Variants in CLN3 observed in about 807,000 individuals in gnomAD.
The protein encoded by CLN3 is CLN3 lysosomal/endosomal transmembrane protein, battenin.
In CLN3, 49 loss-of-function variants were observed where a neutral mutation model predicts 60.7. The observed-to-expected ratio is 0.81, with a 90% CI of 0.64 to 1.02. The LOEUF is 1.02. Among genes scored for constraint, CLN3 ranks in the 50% least tolerant of loss-of-function variants. CLN3 has a pLI of 0.00. For missense variants in CLN3, 516 were observed against 557.4 expected, an observed-to-expected ratio of 0.93 and a Z score of 0.75; for synonymous variants, 256 against 245.8, an observed-to-expected ratio of 1.04 and a Z score of -0.39.
In CLN3 at chr16:28,488,643, G is replaced by A. The variant is rs137906617; in HGVS notation, c.242C>T (p.Pro81Leu). Residue 81 changes from proline to leucine, a missense_variant, in exon 5 of 16, where the codon CCG becomes CTG. Transcript: ENST00000636147. Reference protein sequence around the residue: ...NQSHVDPGPTPIPHNSSSRFD... With the variant: ...NQSHVDPGPTLIPHNSSSRFD... Reference sequence around the variant, plus strand: ...TCGTGATGAGCTGTTGTGGGGGATCGGCGTTGGGCCTGGGTCCACCTAATG... The same window carrying A: ...TCGTGATGAGCTGTTGTGGGGGATCAGCGTTGGGCCTGGGTCCACCTAATG... The A allele has an allele frequency of 3.5e-4, 567 of 1,614,136 alleles. 2 individuals are homozygous for A. Among genetic ancestry groups the A allele is most frequent in the Middle Eastern group, 2.5e-3 (15 of 6,062 alleles).
chr16:28,471,929 C>T (rs1359045643), downstream of CLN3, among the ~76,000 whole-genome samples: 2 of 152,122 alleles, frequency 1.3e-5, no homozygotes, highest in Non-Finnish European at 2.9e-5. Flanking sequence ...ACTTGGTAGG[C>T]TGAGGCAGGA....
Position 28,477,533 on chromosome 16 carries a change from G to A in CLN3, c.1300C>T (p.Leu434Phe). 1.9e-6 allele frequency: 3 copies of A among 1,613,724 alleles called. No individual in the cohort carries two copies. The highest frequency in any genetic ancestry group is 2.5e-6 in the Non-Finnish European group (3 of 1,180,038). Residue 434 changes from leucine to phenylalanine, a missense_variant, in exon 16 of 16, where the codon CTC becomes TTC. Coordinates refer to ENST00000636147, the MANE Select transcript of CLN3 (RefSeq NM_001042432.2). The stretch of plus-strand genomic sequence containing the variant: ...CCCGAGTATCAGGAGAGCTGGCAGA[G>A]GAAGTCATGCAGAGGCAAAGCCAGG... The part of the protein sequence containing the change: ...GLLALPLHDF[L>F]CQLS
At chr16:28,473,728 C>G (rs1395474430), downstream of CLN3, among the ~76,000 whole-genome samples, 2 of 152,106 alleles carry the variant, frequency 1.3e-5, no homozygotes, top group Non-Finnish European at 2.9e-5. Flanking sequence ...TCTTACAACT[C>G]AAAAAGACTT....
intron 3 of CLN3, 78 bp from the exon 4 acceptor site, chr16:28,489,464 C>T (rs1169377687): frequency 3.0e-6 from 3 of 996,472 alleles, no homozygotes; most frequent in East Asian, 5.2e-5. Context: ...CCTTCCCTTA[C>T]CTGTGCCCTT....
intron 5 of CLN3, 168 bp downstream of exon 5, chr16:28,488,423 C>T: frequency 1.7e-6 from 1 of 595,298 alleles, no homozygotes; most frequent in Non-Finnish European, 3.0e-6. Flanking sequence ...GATCCTCCCA[C>T]CTTGGTCTCC....
chr16:28,482,206 T>G lies in CLN3; in HGVS notation c.963-8A>C. The G allele has an allele frequency of 1.2e-6, 2 of 1,611,498 alleles. No individual in the cohort carries two copies. The highest frequency in any genetic ancestry group is 1.7e-6 in the Non-Finnish European group (2 of 1,178,936). On this transcript the variant is annotated splice_polypyrimidine_tract_variant and splice_region_variant and intron_variant, in intron 13 of 15. Transcript: ENST00000636147. ...TGGTACAGCATCTGGTACCTGAGGT[T>G]AGGGTTGGGGGGAGGAGAGGAGGCT... is the stretch of plus-strand genomic sequence containing the variant.
At chr16:28,480,403 TAA>T (rs1187270408) in intron 14 of CLN3, among the ~76,000 whole-genome samples, 3 of 151,728 alleles carry the variant, frequency 2.0e-5, no homozygotes, top group African/African-American at 7.3e-5. Flanking sequence ...ATTGAGTTCC[TAA>T]GTCTTTTTTT....
intron 1 of CLN3, 25 bp downstream of exon 1, chr16:28,491,995 A>G (rs1236092326): frequency 1.6e-6 from 1 of 617,376 alleles, no homozygotes; most frequent in Non-Finnish European, 2.9e-6. Flanking sequence ...CGCCCCGTCT[A>G]CAGCAGGGAC....
In CLN3 at chr16:28,488,583, G is replaced by A; in HGVS notation, c.294+8C>T. 1.9e-6 allele frequency: 3 copies of A among 1,613,872 alleles called. No homozygotes were observed. The highest frequency in any genetic ancestry group is 2.2e-5 in the East Asian group (1 of 44,866). ...GTCAGGCAAGGACCAGGTGAGATGAGTACGCACAGCCGTAGAGACAGAGTT... is the reference window on the plus strand; with the variant it reads ...GTCAGGCAAGGACCAGGTGAGATGAATACGCACAGCCGTAGAGACAGAGTT... On this transcript the variant is annotated splice_region_variant and intron_variant, in intron 5 of 15. Transcript: ENST00000636147.
chr16:28,477,120 A>C (rs1259770287), downstream of CLN3: 3 of 318,820 alleles, frequency 9.4e-6, no homozygotes, highest in Non-Finnish European at 1.2e-5. Flanking sequence ...TAGGTGACAG[A>C]GTGAGACTCT....
At chr16:28,470,843 C>T (rs1402540314), downstream of CLN3, among the ~76,000 whole-genome samples, 16 of 129,220 alleles carry the variant, frequency 1.2e-4, no homozygotes, top group African/African-American at 2.6e-4. Context: ...GGCAAGGGAG[C>T]GTGAGGCTTA....
intron 3 of CLN3, among the ~76,000 whole-genome samples, chr16:28,490,718 C>T (rs1229333019): frequency 1.3e-5 from 2 of 148,926 alleles, no homozygotes; most frequent in Non-Finnish European, 3.0e-5. Context: ...CGAGATTGCG[C>T]CACTGCACTC....
intron 14 of CLN3, among the ~76,000 whole-genome samples, chr16:28,480,288 G>A (rs2857405): frequency 2.0e-5 from 3 of 151,660 alleles, no homozygotes; most frequent in African/African-American, 4.8e-5. Context: ...TCCTGGCTTC[G>A]AGTGATCCTC....
chr16:28,489,298 G>GT lies in CLN3; in HGVS notation c.213_214insA (p.Gln72ThrfsTer20). The GT allele has an allele frequency of 6.2e-7, 1 of 1,612,114 alleles. No homozygotes were observed. The highest frequency in any genetic ancestry group is 8.5e-7 in the Non-Finnish European group (1 of 1,178,898). On this transcript the variant is annotated frameshift_variant, in exon 4 of 16. Coordinates refer to ENST00000636147, the MANE Select transcript of CLN3 (RefSeq NM_001042432.2). LOFTEE classifies it high-confidence loss of function. ...GGTAGAGAGTCACTTACATGGCTCT[G>GT]GTTTCCCGATGTCCTCTTGTGGCTA...
chr16:28,478,196 T>A (rs2046028556), intron 14 of CLN3, among the ~76,000 whole-genome samples: 1 of 151,596 alleles, frequency 6.6e-6, no homozygotes, highest in Non-Finnish European at 1.5e-5. Flanking sequence ...TCCCAGCTAC[T>A]TGGAAGGCTG....
In CLN3 at chr16:28,487,551, T is replaced by C. The variant is rs1282980213; in HGVS notation, c.375-10A>G. ...GACGAGAACCCGGGGGCTGAGGGGG[T>C]GAGAAGGGAAGGGAGGGGGAAGGTC... On this transcript the variant is annotated splice_polypyrimidine_tract_variant and intron_variant, in intron 6 of 15. Coordinates refer to ENST00000636147, the MANE Select transcript of CLN3 (RefSeq NM_001042432.2). 4 of 1,611,220 alleles carry C rather than the reference T, an allele frequency of 2.5e-6. No individual in the cohort carries two copies. In the African/African-American group the frequency reaches 5.4e-5, roughly 22 times the overall value.
intron 10 of CLN3, among the ~76,000 whole-genome samples, chr16:28,483,091 C>A (rs558651825): frequency 1.3e-5 from 2 of 151,278 alleles, no homozygotes; most frequent in Non-Finnish European, 2.9e-5. Context: ...GCAACAAGAG[C>A]GAAACTCCAC....
chr16:28,480,003 C>T (rs1289635698), intron 14 of CLN3, among the ~76,000 whole-genome samples: 2 of 152,024 alleles, frequency 1.3e-5, no homozygotes, highest in Non-Finnish European at 2.9e-5. Flanking sequence ...GGGTCTCACC[C>T]AGGCTGGGGT....
At position 28,490,057 on chromosome 16, in the gene CLN3, CA is replaced by C. The variant is rs34443652; in HGVS notation, c.126-672del. Among the ~76,000 whole-genome samples the C allele has an allele frequency of 5.1e-3, 541 of 106,756 alleles. 2 individuals carry two copies. Among genetic ancestry groups the C allele is most frequent in the Non-Finnish European group, 7.7e-3 (414 of 53,896 alleles). 70.0% of individuals were successfully genotyped at this position (106,756 alleles called of 152,430 possible). ...GGGCTACAAGAGCGAGACTCTATCTCAAAAAAAAAAAAAAAAAAGGAGAGTG... is the reference window on the plus strand; with the variant it reads ...GGGCTACAAGAGCGAGACTCTATCTCAAAAAAAAAAAAAAAAAGGAGAGTG... On this transcript the variant is annotated intron_variant, in intron 3 of 15. Transcript: ENST00000636147.
Sources: gnomAD v4.1 joint callset for allele counts (sites outside exome capture counted in the v4.1 genomes callset) on GRCh38, gnomAD v4.1.1 for gene constraint, MANE v1.5 for transcripts, NCBI Gene and HGNC (gene_info 2026-07-23, HGNC 2026-07-21) for gene names.